Variants in ELMO1 observed in about 807,000 individuals in gnomAD.
ELMO1 encodes engulfment and cell motility 1.
In ELMO1, 26 loss-of-function variants were observed where a neutral mutation model predicts 98.9. That is an observed-to-expected ratio of 0.26 (90% CI 0.19 to 0.36). The LOEUF is 0.36. ELMO1 is among the 10% of genes least tolerant of loss of function. The pLI is 1.00. For synonymous variants in ELMO1, 346 were observed against 346.0 expected (o/e 1.00, Z 0.00); for missense variants, 627 against 935.2 (o/e 0.67, Z 4.30).
chr7:37,267,031 G>GAAA (rs1796288342), intron 5 of ELMO1, among the ~76,000 whole-genome samples: 1 of 26,598 alleles, frequency 3.8e-5, no homozygotes, highest in South Asian at 1.2e-3. Flanking sequence ...AAAAAAATAT[G>GAAA]TATATATACA....
At chr7:37,366,018 C>A (rs1195069576) in intron 1 of ELMO1, among the ~76,000 whole-genome samples, 1 of 152,180 alleles carries the variant, frequency 6.6e-6, no homozygotes, top group African/African-American at 2.4e-5. Flanking sequence ...AGGGACCTCT[C>A]CACCAAGGAG....
At chr7:37,215,866 TC>T (rs2130472596) in intron 11 of ELMO1, among the ~76,000 whole-genome samples, 1 of 152,358 alleles carries the variant, frequency 6.6e-6, no homozygotes, top group South Asian at 2.1e-4. Context: ...TCTGTTGGCC[TC>T]ACCATACTTG....
intron 14 of ELMO1, among the ~76,000 whole-genome samples, chr7:37,106,286 C>T (rs1701565921): frequency 6.6e-6 from 1 of 152,090 alleles, no homozygotes; most frequent in Non-Finnish European, 1.5e-5. Flanking sequence ...AAGGGTGTGG[C>T]CTCTGGGAGG....
At chr7:36,887,743 G>C (rs571014426) in intron 17 of ELMO1, 71 bp from the exon 18 acceptor site, 3 of 1,377,034 alleles carry the variant, frequency 2.2e-6, no homozygotes, top group Non-Finnish European at 3.1e-6. Flanking sequence ...GGCATCATGG[G>C]CATACGGGCA....
intron 16 of ELMO1, among the ~76,000 whole-genome samples, chr7:36,900,089 C>T (rs56006684): frequency 2.6e-5 from 4 of 152,102 alleles, no homozygotes; most frequent in Non-Finnish European, 5.9e-5. Context: ...CACCCTAGAT[C>T]TACTGAATCA....
rs869157346 is a variant in ELMO1 at position 37,188,487 on chromosome 7, TAA to T, written c.1086+22897_1086+22898del. The stretch of plus-strand genomic sequence containing the variant: ...ACACACACAGGCCACTGGAGAAAGG[TAA>T]AAAAAAAAAAAAAATAATAATAATA... On this transcript the variant is annotated intron_variant, in intron 13 of 21. Coordinates refer to ENST00000310758, the MANE Select transcript of ELMO1 (RefSeq NM_014800.11). Among the ~76,000 whole-genome samples, 129 of 32,030 alleles carry T rather than the reference TAA, an allele frequency of 4.0e-3. 4 individuals carry two copies. Among genetic ancestry groups the T allele is most frequent in the East Asian group, 0.011 (9 of 806 alleles). 21.0% of individuals were successfully genotyped at this position (32,030 alleles called of 152,430 possible).
intron 13 of ELMO1, among the ~76,000 whole-genome samples, chr7:37,163,337 C>CT (rs916709754): frequency 4.4e-3 from 31 of 7,044 alleles, no homozygotes; most frequent in African/African-American, 5.1e-3. Context: ...AGCCAGTGTT[C>CT]TTTTTTTTTT....
At chr7:37,064,973 C>G (rs762538088) in intron 15 of ELMO1, among the ~76,000 whole-genome samples, 1 of 152,182 alleles carries the variant, frequency 6.6e-6, no homozygotes, top group Non-Finnish European at 1.5e-5. Flanking sequence ...CACTGTTTAA[C>G]GACTGGCTAC....
intron 1 of ELMO1, among the ~76,000 whole-genome samples, chr7:37,417,318 A>G (rs1194931509): frequency 3.3e-5 from 5 of 152,156 alleles, no homozygotes; most frequent in Non-Finnish European, 5.9e-5. Context: ...GCAGGTGCTA[A>G]CCCACTAGGA....
chr7:37,437,834 G>A lies in ELMO1; in HGVS notation c.-74+10841C>T, dbSNP rs1203659711. Among the ~76,000 whole-genome samples, 2 of 58,530 alleles carry A rather than the reference G, an allele frequency of 3.4e-5. 1 individual carries two copies. Among genetic ancestry groups the A allele is most frequent in the Non-Finnish European group, 7.5e-5 (2 of 26,518 alleles). 38.4% of individuals were successfully genotyped at this position (58,530 alleles called of 152,430 possible). The stretch of plus-strand genomic sequence containing the variant: ...AAAATACAAAAAAAATTAGCCGGGC[G>A]CGGTGGCGGGCGCCTGTAGTCCCAG... On this transcript the variant is annotated intron_variant, in intron 1 of 21. Coordinates refer to ENST00000310758, the MANE Select transcript of ELMO1 (RefSeq NM_014800.11).
chr7:37,230,735 G>A (rs919946999), intron 8 of ELMO1, among the ~76,000 whole-genome samples: 2 of 152,206 alleles, frequency 1.3e-5, no homozygotes, highest in Admixed American at 6.5e-5. Context: ...AAAGCCTGCT[G>A]TAAATTCAAA....
At chr7:37,207,192 G>A (rs936990767) in intron 13 of ELMO1, among the ~76,000 whole-genome samples, 7 of 152,206 alleles carry the variant, frequency 4.6e-5, no homozygotes, top group Non-Finnish European at 1.0e-4. Flanking sequence ...CATCCTAGAG[G>A]TGAGAGTCTG....
chr7:37,344,229 G>A lies in ELMO1; in HGVS notation c.-73-1466C>T, dbSNP rs190992282. Among the ~76,000 whole-genome samples, 164 of 151,952 alleles carry A rather than the reference G, an allele frequency of 1.1e-3. 1 individual carries two copies. The highest frequency in any genetic ancestry group is 3.9e-3 in the African/African-American group (160 of 41,436). On this transcript the variant is annotated intron_variant, in intron 1 of 21. Coordinates refer to ENST00000310758, the MANE Select transcript of ELMO1 (RefSeq NM_014800.11). ...GTATTTTTAGTAGAGACAGGGTTTC[G>A]CCATGTTGGCCAGGCTGGTCTTGAA...
intron 16 of ELMO1, among the ~76,000 whole-genome samples, chr7:36,913,684 G>A (rs771432169): frequency 2.0e-5 from 3 of 152,198 alleles, no homozygotes; most frequent in Non-Finnish European, 4.4e-5. Flanking sequence ...TTGTGAAACA[G>A]GCAAACCAGA....
At chr7:37,212,874 C>T (rs866236929) in intron 12 of ELMO1, among the ~76,000 whole-genome samples, 9 of 152,246 alleles carry the variant, frequency 5.9e-5, no homozygotes, top group Middle Eastern at 3.4e-3. Context: ...CAACAGCCAA[C>T]CGACAGAAAT....
intron 16 of ELMO1, among the ~76,000 whole-genome samples, chr7:36,963,035 G>C (rs1230555022): frequency 6.6e-6 from 1 of 152,202 alleles, no homozygotes; most frequent in Non-Finnish European, 1.5e-5. Context: ...AACTCTAGAA[G>C]ACTGGTTAAA....
At chr7:37,153,417 C>G (rs1418068435) in intron 13 of ELMO1, among the ~76,000 whole-genome samples, 1 of 152,148 alleles carries the variant, frequency 6.6e-6, no homozygotes, top group Non-Finnish European at 1.5e-5. Flanking sequence ...CCTGGAGGAA[C>G]GGTACACTCC....
chr7:37,100,949 C>A (rs183294002), intron 14 of ELMO1, among the ~76,000 whole-genome samples: 2 of 152,232 alleles, frequency 1.3e-5, no homozygotes, highest in Non-Finnish European at 1.5e-5. Flanking sequence ...ATGGGACTGT[C>A]GTGCATATCA....
chr7:37,159,473 G>A (rs886211123), intron 13 of ELMO1, among the ~76,000 whole-genome samples: 1 of 152,112 alleles, frequency 6.6e-6, no homozygotes, highest in Non-Finnish European at 1.5e-5. Flanking sequence ...GGCCGAGGTG[G>A]GTGGATCACC....
Sources: gnomAD v4.1 joint callset for allele counts (sites outside exome capture counted in the v4.1 genomes callset) on GRCh38, gnomAD v4.1.1 for gene constraint, MANE v1.5 for transcripts, NCBI Gene and HGNC (gene_info 2026-07-23, HGNC 2026-07-21) for gene names.